Variants in FOXP2 observed in about 807,000 individuals in gnomAD.
FOXP2 encodes the protein forkhead box protein P2.
A neutral mutation model predicts 115.8 loss-of-function variants in FOXP2; 12 were observed. The ratio of observed to expected loss-of-function variants is 0.10; its 90% confidence interval spans 0.07 to 0.17. The LOEUF (loss-of-function observed/expected upper bound fraction) is 0.17. Ranked by LOEUF, FOXP2 falls within the 10% of genes least tolerant of loss-of-function variation. The pLI, the probability that FOXP2 is intolerant of heterozygous loss-of-function variation, is 1.00. For synonymous variants in FOXP2, 328 were observed against 297.7 expected, an observed-to-expected ratio of 1.10 and a Z score of -1.05; for missense variants, 629 against 843.5, an observed-to-expected ratio of 0.75 and a Z score of 3.15.
intron 2 of FOXP2, among the ~76,000 whole-genome samples, chr7:114,446,208 T>C (rs1794830163): frequency 6.6e-6 from 1 of 152,096 alleles, no homozygotes; most frequent in African/African-American, 2.4e-5. Flanking sequence ...ATTACAATTC[T>C]AAAGTCCCTG....
At chr7:114,277,376 C>A (rs991485426) in intron 1 of FOXP2, among the ~76,000 whole-genome samples, 3 of 152,114 alleles carry the variant, frequency 2.0e-5, no homozygotes, top group African/African-American at 7.2e-5. Flanking sequence ...TGCCCACCGT[C>A]GTTTCAGGGA....
Position 114,654,019 on chromosome 7 carries a change from T to C in FOXP2, c.1266+10T>C. The C allele has an allele frequency of 6.2e-7, 1 of 1,613,212 alleles. No homozygotes were observed. Among genetic ancestry groups the C allele is most frequent in the Non-Finnish European group, 8.5e-7 (1 of 1,179,332 alleles). On this transcript the variant is annotated intron_variant, in intron 10 of 16. Transcript: ENST00000350908. ...ACCATCTCCCAAACCTGTAAGTGCA[T>C]ATTGCTTTATAAACAGTAAATAGCT... is the stretch of plus-strand genomic sequence containing the variant.
At chr7:114,447,901 G>T (rs1794906972) in intron 2 of FOXP2, among the ~76,000 whole-genome samples, 1 of 152,124 alleles carries the variant, frequency 6.6e-6, no homozygotes, top group Non-Finnish European at 1.5e-5. Flanking sequence ...GCAAATGAAT[G>T]AATGCATCTG....
intron 2 of FOXP2, among the ~76,000 whole-genome samples, chr7:114,334,748 T>G (rs1173309121): frequency 2.0e-5 from 3 of 151,258 alleles, no homozygotes; most frequent in Admixed American, 6.6e-5. Context: ...ACAAACTGAT[T>G]TTTGTCAATT....
At chr7:114,597,414 C>T (rs368480519) in intron 3 of FOXP2, among the ~76,000 whole-genome samples, 9 of 152,132 alleles carry the variant, frequency 5.9e-5, no homozygotes, top group African/African-American at 2.2e-4. Context: ...GGTAATATTC[C>T]AATGTTATAT....
Position 114,658,250 on chromosome 7 carries a change from A to G in FOXP2, c.1451A>G (p.Asn484Ser). ...AIRRRHSDKY[N>S]IPMSSEIAPN... The stretch of plus-strand genomic sequence containing the variant: ...CGAAGGCGACATTCAGACAAATACA[A>G]CATTCCCATGTCATCAGGTAGGATA... Residue 484 changes from asparagine to serine, a missense_variant, in exon 11 of 17, where the codon AAC (asparagine) becomes AGC (serine). This residue lies in a region of FOXP2 where 101 missense variants were observed against 116.0 expected (regional missense o/e 0.87). Transcript: ENST00000350908. 6.2e-7 allele frequency: 1 copy of G among 1,613,760 alleles called. No homozygotes were observed. The highest frequency in any genetic ancestry group is 2.2e-5 in the East Asian group (1 of 44,840).
intron 2 of FOXP2, among the ~76,000 whole-genome samples, chr7:114,351,589 C>G (rs1318064333): frequency 1.3e-5 from 2 of 151,858 alleles, no homozygotes; most frequent in African/African-American, 2.4e-5. Flanking sequence ...CTTCTCTGTC[C>G]TCATAAAAAG....
At chr7:114,476,124 A>T (rs1297509215) in intron 2 of FOXP2, among the ~76,000 whole-genome samples, 1 of 150,650 alleles carries the variant, frequency 6.6e-6, no homozygotes, top group Admixed American at 6.6e-5. Context: ...CTTAAGTTTA[A>T]TTAGGTCCCA....
chr7:114,216,549 C>G (rs1020950801), intron 1 of FOXP2, among the ~76,000 whole-genome samples: 4 of 151,786 alleles, frequency 2.6e-5, no homozygotes, highest in African/African-American at 9.7e-5. Context: ...TAATATATGC[C>G]TTCACTGCAA....
chr7:114,569,033 A>G (rs1801160779), intron 3 of FOXP2, among the ~76,000 whole-genome samples: 2 of 151,994 alleles, frequency 1.3e-5, no homozygotes, highest in Admixed American at 6.6e-5. Context: ...AGTATTAAAT[A>G]TAAACAGTGT....
intron 2 of FOXP2, among the ~76,000 whole-genome samples, chr7:114,382,147 ACTGG>A (rs1792321453): frequency 6.6e-6 from 1 of 152,258 alleles, no homozygotes; most frequent in African/African-American, 2.4e-5. Flanking sequence ...GTATCTAGTG[ACTGG>A]CTGTCCTAGG....
chr7:114,531,108 C>T lies in FOXP2; in HGVS notation c.169-3509C>T, dbSNP rs1013883162. Reference sequence around the variant, plus strand: ...AAACTAGATATGGTTTGGCTGCCTTCGAAATCTCTTTCTTGTTTCTGATAC... The same window carrying T: ...AAACTAGATATGGTTTGGCTGCCTTTGAAATCTCTTTCTTGTTTCTGATAC... On this transcript the variant is annotated intron_variant, in intron 2 of 16. Transcript: ENST00000350908. Among the ~76,000 whole-genome samples the T allele has an allele frequency of 3.3e-5, 5 of 151,630 alleles. No homozygotes were observed. The East Asian group carries it at 5.8e-4, about 18-fold the overall frequency.
At chr7:114,551,066 A>C (rs1800182361) in intron 3 of FOXP2, among the ~76,000 whole-genome samples, 1 of 152,220 alleles carries the variant, frequency 6.6e-6, no homozygotes, top group African/African-American at 2.4e-5. Context: ...TGTAGAAATA[A>C]ATTGAAAAGC....
intron 2 of FOXP2, among the ~76,000 whole-genome samples, chr7:114,515,926 A>G (rs1409153240): frequency 6.6e-6 from 1 of 152,192 alleles, no homozygotes; most frequent in Non-Finnish European, 1.5e-5. Flanking sequence ...AAACAAATGG[A>G]AGAACATTCC....
At chr7:114,441,912 A>C (rs966995728) in intron 2 of FOXP2, among the ~76,000 whole-genome samples, 1 of 152,206 alleles carries the variant, frequency 6.6e-6, no homozygotes, top group Admixed American at 6.6e-5. Flanking sequence ...TTTTAGTGGG[A>C]TGTAAAATGG....
chr7:114,164,130 A>G (rs992496379), intron 1 of FOXP2, among the ~76,000 whole-genome samples: 1 of 152,144 alleles, frequency 6.6e-6, no homozygotes, highest in Non-Finnish European at 1.5e-5. Context: ...TTCCAGGTTC[A>G]TGTTTAATCT....
At chr7:114,450,964 T>C (rs1351429482) in intron 2 of FOXP2, among the ~76,000 whole-genome samples, 1 of 152,100 alleles carries the variant, frequency 6.6e-6, no homozygotes, top group Non-Finnish European at 1.5e-5. Flanking sequence ...ATAATTTTGA[T>C]ACAAAGATAT....
At chr7:114,302,506 A>G (rs1287661919) in intron 2 of FOXP2, among the ~76,000 whole-genome samples, 1 of 152,198 alleles carries the variant, frequency 6.6e-6, no homozygotes, top group Non-Finnish European at 1.5e-5. Flanking sequence ...ATAAAGAAAC[A>G]TAATTTGAAG....
At chr7:114,333,891 TA>T (rs200699753) in intron 2 of FOXP2, among the ~76,000 whole-genome samples, 1,726 of 139,170 alleles carry the variant, frequency 0.012, 23 homozygotes, top group African/African-American at 0.03. Context: ...CCATCTCAAT[TA>T]AAAAAAAAAA....
Sources: allele counts gnomAD v4.1 joint callset (sites outside exome capture counted in the v4.1 genomes callset), GRCh38; gene constraint gnomAD v4.1.1; regional missense constraint gnomAD v4.1.1; transcripts MANE v1.5; gene names NCBI Gene and HGNC (gene_info 2026-07-23, HGNC 2026-07-21).